The following MAN1C1 variants were observed in gnomAD, a reference collection of about 807,000 sequenced individuals.
The protein encoded by MAN1C1 is mannosyl-oligosaccharide 1,2-alpha-mannosidase IC.
A neutral mutation model predicts 71.5 loss-of-function variants in MAN1C1; 49 were observed. The ratio of observed to expected loss-of-function variants is 0.69; its 90% CI spans 0.54 to 0.87. MAN1C1 has a LOEUF of 0.87. Among genes scored for constraint, MAN1C1 ranks in the 40% least tolerant of loss-of-function variants. The probability of loss-of-function intolerance (pLI) is 0.00; values close to 1 mark genes in which losing one functional copy is unlikely to be tolerated. For missense variants in MAN1C1, 743 were observed against 835.0 expected (o/e 0.89, Z 1.36); for synonymous variants, 352 against 343.7 (o/e 1.02, Z -0.27).
chr1:25,736,692 A>G (rs955039143), intron 2 of MAN1C1, among the ~76,000 whole-genome samples: 19 of 151,934 alleles, frequency 1.3e-4, no homozygotes, highest in African/African-American at 4.6e-4. Context: ...ATGTCTGGCA[A>G]ATTTTTGCAT....
chr1:25,656,311 C>G (rs1003771867), intron 1 of MAN1C1, among the ~76,000 whole-genome samples: 1 of 151,546 alleles, frequency 6.6e-6, no homozygotes, highest in African/African-American at 2.4e-5. Flanking sequence ...TTGGGCAGCC[C>G]GGTCTCGAAC....
chr1:25,761,093 T>G (rs1042808168), intron 6 of MAN1C1: 1 of 152,204 alleles, frequency 6.6e-6, no homozygotes, highest in African/African-American at 2.4e-5. Flanking sequence ...CAGACCTCTC[T>G]GAGATTCAGG....
At chr1:25,771,049 C>G (rs1017769410) in intron 7 of MAN1C1, among the ~76,000 whole-genome samples, 4 of 152,222 alleles carry the variant, frequency 2.6e-5, no homozygotes, top group African/African-American at 9.6e-5. Context: ...TGAGGCCCTG[C>G]TCCTTGGCTG....
intron 2 of MAN1C1, among the ~76,000 whole-genome samples, chr1:25,739,271 G>T (rs1420539328): frequency 6.6e-6 from 1 of 152,196 alleles, no homozygotes; most frequent in Non-Finnish European, 1.5e-5. Flanking sequence ...CGTTCTTCTT[G>T]TGGGATAAGA....
chr1:25,647,733 T>A (rs1281544888), intron 1 of MAN1C1, among the ~76,000 whole-genome samples: 1 of 151,930 alleles, frequency 6.6e-6, no homozygotes, highest in Non-Finnish European at 1.5e-5. Context: ...AAGGCCAAGG[T>A]CTGGTTTGGG....
rs2047624991 is a variant in MAN1C1, at chr1:25,776,821, G to A, written c.1258-1284G>A. On this transcript the variant is annotated intron_variant, in intron 8 of 11. Coordinates refer to ENST00000374332, the MANE Select transcript of MAN1C1 (RefSeq NM_020379.4). The surrounding 1 kb of genome is among the most constrained non-coding windows in gnomAD (Gnocchi z 4.3). ...GACAGACTAGAGTGGAATCATAGGG[G>A]TCAGTAATTAGTGGGGACTCGCTCT... 6.6e-6 allele frequency among the ~76,000 whole-genome samples: 1 copy of A among 152,168 alleles called. No homozygotes were observed. The highest frequency in any genetic ancestry group is 6.5e-5 in the Admixed American group (1 of 15,282).
intron 2 of MAN1C1, among the ~76,000 whole-genome samples, chr1:25,706,296 T>A (rs2046521025): frequency 6.6e-6 from 1 of 152,182 alleles, no homozygotes; most frequent in Non-Finnish European, 1.5e-5. Flanking sequence ...GCCTGAAGGA[T>A]CACAAAGCAT....
At chr1:25,694,519 G>C (rs866121889) in intron 2 of MAN1C1, among the ~76,000 whole-genome samples, 1 of 152,292 alleles carries the variant, frequency 6.6e-6, no homozygotes, top group Middle Eastern at 3.4e-3. Context: ...GTTCAGCCTT[G>C]GCAGAGAGAA....
At chr1:25,728,863 C>A (rs17163172) in intron 2 of MAN1C1, among the ~76,000 whole-genome samples, 1 of 152,120 alleles carries the variant, frequency 6.6e-6, no homozygotes, top group Non-Finnish European at 1.5e-5. Flanking sequence ...AGGATATTAC[C>A]CTCAAATAAA....
chr1:25,660,971 G>A (rs1028968694), intron 1 of MAN1C1, among the ~76,000 whole-genome samples: 1 of 152,212 alleles, frequency 6.6e-6, no homozygotes, highest in Non-Finnish European at 1.5e-5. Flanking sequence ...CATTACAGGT[G>A]TGAGCCACCA....
At chr1:25,621,308 A>G (rs2045204784) in intron 1 of MAN1C1, among the ~76,000 whole-genome samples, 1 of 152,202 alleles carries the variant, frequency 6.6e-6, no homozygotes, top group Non-Finnish European at 1.5e-5. Flanking sequence ...CTATCCAAGA[A>G]TAGATATTCA....
In MAN1C1 at chr1:25,771,778, A is replaced by G; in HGVS notation, c.1257+6A>G. 6.2e-7 allele frequency: 1 copy of G among 1,606,228 alleles called. No individual in the cohort carries two copies. Among genetic ancestry groups the G allele is most frequent in the South Asian group, 1.1e-5 (1 of 90,932 alleles). ...TGTACTACGAAGCCTTGGAGGTAAG[A>G]CAAGCCCTGGATTATTCACAGGCCG... On this transcript the variant is annotated splice_donor_region_variant and intron_variant, in intron 8 of 11. Coordinates refer to ENST00000374332, the MANE Select transcript of MAN1C1 (RefSeq NM_020379.4).
chr1:25,732,458 A>G lies in MAN1C1; in HGVS notation c.638-14210A>G, dbSNP rs563195306. ...GCCTCAGTTTCCCCATCTGTAAAAC[A>G]GGGGCAGGAATTGCACCCTCCTCCT... On this transcript the variant is annotated intron_variant, in intron 2 of 11. Coordinates refer to ENST00000374332, the MANE Select transcript of MAN1C1 (RefSeq NM_020379.4). Among the ~76,000 whole-genome samples, 5 of 152,328 alleles carry G rather than the reference A, an allele frequency of 3.3e-5. No homozygotes were observed. The South Asian group carries it at 1.0e-3, about 32-fold the overall frequency.
intron 2 of MAN1C1, among the ~76,000 whole-genome samples, chr1:25,702,826 T>C (rs2124222628): frequency 6.6e-6 from 1 of 152,352 alleles, no homozygotes; most frequent in African/African-American, 2.4e-5. Flanking sequence ...TTGTCAAAGC[T>C]GCCCAGGGAA....
intron 4 of MAN1C1, among the ~76,000 whole-genome samples, chr1:25,752,844 G>T (rs138275205): frequency 6.6e-6 from 1 of 152,326 alleles, no homozygotes; most frequent in African/African-American, 2.4e-5. Flanking sequence ...GGAACAGTGG[G>T]CAGGATCAGG....
At chr1:25,663,162 A>T (rs984638793) in intron 1 of MAN1C1, among the ~76,000 whole-genome samples, 1 of 148,112 alleles carries the variant, frequency 6.8e-6, no homozygotes, top group African/African-American at 2.4e-5. Flanking sequence ...ATGTATATAT[A>T]TTTTATTTAT....
At position 25,775,615 on chromosome 1, in the gene MAN1C1, CAG is replaced by C. The variant is rs1469380599; in HGVS notation, c.1258-2489_1258-2488del. On this transcript the variant is annotated intron_variant, in intron 8 of 11. Coordinates refer to ENST00000374332, the MANE Select transcript of MAN1C1 (RefSeq NM_020379.4). The surrounding 1 kb of genome is among the most constrained non-coding windows in gnomAD (Gnocchi z 5.1). ...GGAATGGCACCATGTAGAAGGGTGACAGGGGCCCATAGGTAATGGCAGTGGCA... is the reference window on the plus strand; with the variant it reads ...GGAATGGCACCATGTAGAAGGGTGACGGGCCCATAGGTAATGGCAGTGGCA... 9.9e-5 allele frequency among the ~76,000 whole-genome samples: 15 copies of C among 152,246 alleles called. No homozygotes were observed. In the South Asian group the frequency reaches 3.1e-3, roughly 32 times the overall value.
At chr1:25,709,943 A>T (rs1048597252) in intron 2 of MAN1C1, 1 of 152,090 alleles carries the variant, frequency 6.6e-6, no homozygotes, top group Non-Finnish European at 1.5e-5. Context: ...ACAGGGTTTC[A>T]CTGTGTTGGC....
In MAN1C1 at chr1:25,764,030, C is replaced by A; in HGVS notation, c.1141+63C>A. ...TTCCTGCCCAGGCTTCCTAGGAAGA[C>A]CCTGCCAGGCCCCTGGGCTGAGTGA... is the stretch of plus-strand genomic sequence containing the variant. On this transcript the variant is annotated intron_variant, in intron 7 of 11. Transcript: ENST00000374332. This position sits in a 1 kb window ranked among gnomAD's most constrained non-coding sequence, Gnocchi z 4.4. 7.4e-7 allele frequency: 1 copy of A among 1,346,402 alleles called. No individual in the cohort carries two copies. Among genetic ancestry groups the A allele is most frequent in the Non-Finnish European group, 1.1e-6 (1 of 939,216 alleles). 83.4% of individuals were successfully genotyped at this position (1,346,402 alleles called of 1,614,324 possible). A position where few individuals can be genotyped will look rare whatever the true frequency, so the allele number is the denominator to read the frequency against.
Sources: allele counts gnomAD v4.1 joint callset (sites outside exome capture counted in the v4.1 genomes callset), GRCh38; gene constraint gnomAD v4.1.1; non-coding constraint Gnocchi (gnomAD v3.1); transcripts MANE v1.5; gene names NCBI Gene and HGNC (gene_info 2026-07-23, HGNC 2026-07-21).